Variants in BICC1 observed in about 807,000 individuals in gnomAD.
The protein encoded by BICC1 is BicC family RNA binding protein 1.
Under a neutral mutation model 111.0 loss-of-function variants are expected in BICC1, and 43 were observed. The observed-to-expected ratio is 0.39, with a 90% CI of 0.30 to 0.50. The LOEUF (loss-of-function observed/expected upper bound fraction) is 0.50, where lower values mean the gene tolerates loss of function less well. Ranked by LOEUF, BICC1 falls within the 20% of genes least tolerant of loss-of-function variation. The pLI is 0.88. For missense variants in BICC1, 1,091 were observed against 1,203.2 expected (o/e 0.91, Z 1.38); for synonymous variants, 467 against 434.4 (o/e 1.07, Z -0.93).
chr10:58,749,772 C>T (rs1487297593), intron 3 of BICC1, among the ~76,000 whole-genome samples: 4 of 152,156 alleles, frequency 2.6e-5, no homozygotes, highest in African/African-American at 4.8e-5. Flanking sequence ...AGGAGCCAGG[C>T]ACCCAGTGCT....
At chr10:58,671,229 A>G (rs1025985097) in intron 2 of BICC1, among the ~76,000 whole-genome samples, 5 of 152,200 alleles carry the variant, frequency 3.3e-5, no homozygotes, top group African/African-American at 7.2e-5. Flanking sequence ...GCAAAACAAA[A>G]TAACCATTGT....
chr10:58,637,287 C>G (rs186670819), intron 2 of BICC1, among the ~76,000 whole-genome samples: 80 of 151,876 alleles, frequency 5.3e-4, no homozygotes, highest in African/African-American at 1.9e-3. Flanking sequence ...TATGTTTTTT[C>G]CTTTGTTATG....
chr10:58,657,155 G>A (rs1184675764), intron 2 of BICC1, among the ~76,000 whole-genome samples: 1 of 152,122 alleles, frequency 6.6e-6, no homozygotes, highest in African/African-American at 2.4e-5. Flanking sequence ...CCCTACTCTT[G>A]CCTGGGCGAG....
Position 58,590,300 on chromosome 10 carries a change from C to T in BICC1, c.191-30555C>T, listed in dbSNP as rs75228977. Among the ~76,000 whole-genome samples, 155 of 152,258 alleles carry T rather than the reference C, an allele frequency of 1.0e-3. 2 individuals carry two copies. In the East Asian group the frequency reaches 0.01, roughly 10 times the overall value. Reference sequence around the variant, plus strand: ...TGCGCAGTCTGGCCTTGACTGGAAGCAGGAATCGTGACATCTCTGACCAGA... The same window carrying T: ...TGCGCAGTCTGGCCTTGACTGGAAGTAGGAATCGTGACATCTCTGACCAGA... On this transcript the variant is annotated intron_variant, in intron 1 of 20. Coordinates refer to ENST00000373886, the MANE Select transcript of BICC1 (RefSeq NM_001080512.3).
intron 20 of BICC1, among the ~76,000 whole-genome samples, chr10:58,826,538 T>A (rs1844401258): frequency 1.1e-5 from 1 of 87,814 alleles, no homozygotes; most frequent in Non-Finnish European, 2.5e-5. Context: ...GATCACAAGA[T>A]CAGGAGATCG....
At chr10:58,752,005 C>T (rs915856280) in intron 3 of BICC1, among the ~76,000 whole-genome samples, 1 of 152,166 alleles carries the variant, frequency 6.6e-6, no homozygotes, top group Non-Finnish European at 1.5e-5. Context: ...TACATTATAC[C>T]TCACTATGAT....
At chr10:58,560,664 C>T (rs1843579055) in intron 1 of BICC1, among the ~76,000 whole-genome samples, 1 of 151,506 alleles carries the variant, frequency 6.6e-6, no homozygotes, top group Admixed American at 6.6e-5. Flanking sequence ...TCAGGTCTTG[C>T]CACTGTTTTG....
intron 4 of BICC1, among the ~76,000 whole-genome samples, chr10:58,786,070 A>G (rs1843002947): frequency 6.6e-6 from 1 of 152,210 alleles, no homozygotes; most frequent in South Asian, 2.1e-4. Context: ...TTTAATGGGC[A>G]TAAATTTAAA....
intron 1 of BICC1, among the ~76,000 whole-genome samples, chr10:58,524,563 A>G (rs1278027904): frequency 6.6e-6 from 1 of 152,232 alleles, no homozygotes. Context: ...AATTAATTCA[A>G]GATTGATTAA....
At chr10:58,775,040 AACAGTTTTAAAGG>A (rs1842712566) in intron 3 of BICC1, among the ~76,000 whole-genome samples, 1 of 152,168 alleles carries the variant, frequency 6.6e-6, no homozygotes, top group Non-Finnish European at 1.5e-5. Context: ...TTTTAGAAAA[AACAGTTTTAAAGG>A]ACTAAGCTCA....
chr10:58,621,507 G>A (rs954764481), intron 2 of BICC1, among the ~76,000 whole-genome samples: 4 of 130,528 alleles, frequency 3.1e-5, no homozygotes, highest in Non-Finnish European at 7.2e-5. Context: ...TTAGCAACAA[G>A]GGTAAGACAA....
At chr10:58,661,321 G>A (rs967805263) in intron 2 of BICC1, among the ~76,000 whole-genome samples, 3 of 150,688 alleles carry the variant, frequency 2.0e-5, no homozygotes, top group South Asian at 2.1e-4. Flanking sequence ...ATTTCTCTCT[G>A]GAGTTTAGAA....
At chr10:58,666,151 A>G (rs907834355) in intron 2 of BICC1, among the ~76,000 whole-genome samples, 2 of 152,340 alleles carry the variant, frequency 1.3e-5, no homozygotes, top group Non-Finnish European at 1.5e-5. Flanking sequence ...CCTTGTGGTC[A>G]GAACAAATTT....
At chr10:58,823,497 G>T (rs762362646) in intron 20 of BICC1, 36 of 983,994 alleles carry the variant, frequency 3.7e-5, no homozygotes, top group Non-Finnish European at 4.3e-5. Flanking sequence ...AAACTGTATC[G>T]ATTAGGGTTG....
At chr10:58,549,073 T>A (rs1045854535) in intron 1 of BICC1, among the ~76,000 whole-genome samples, 2 of 152,084 alleles carry the variant, frequency 1.3e-5, no homozygotes, top group Non-Finnish European at 2.9e-5. Flanking sequence ...CTCAAACTCC[T>A]AGACTCAAGC....
intron 1 of BICC1, among the ~76,000 whole-genome samples, chr10:58,536,960 A>G (rs138531092): frequency 1.3e-4 from 20 of 151,976 alleles, no homozygotes; most frequent in African/African-American, 4.8e-4. Flanking sequence ...GCGGAAATGG[A>G]TAAATTCCCG....
In BICC1 at chr10:58,715,948, A is replaced by C. The variant is rs1351805146; in HGVS notation, c.307+13805A>C. The C allele has an allele frequency of 8.7e-6, 12 of 1,373,214 alleles. No homozygotes were observed. The East Asian group carries it at 2.3e-4, about 26-fold the overall frequency. 85.1% of individuals were successfully genotyped at this position (1,373,214 alleles called of 1,614,324 possible). ...GGATAAGAAACAAGGAAAATGAAGA[A>C]AGAAAAAGAAGAACCGTTCACATAA... On this transcript the variant is annotated intron_variant, in intron 3 of 20. Transcript: ENST00000373886.
At position 58,798,520 on chromosome 10, in the gene BICC1, A is replaced by G. The variant is rs1843432393; in HGVS notation, c.1488A>G (p.Thr496=). 5 of 1,611,684 alleles carry G rather than the reference A, an allele frequency of 3.1e-6. No homozygotes were observed. In the East Asian group the frequency reaches 9.0e-5, roughly 29 times the overall value. Residue 496 remains threonine (T), a synonymous_variant, in exon 11 of 21, where the codon ACA becomes ACG. Coordinates refer to ENST00000373886, the MANE Select transcript of BICC1 (RefSeq NM_001080512.3). ...CAAGTTCTGGTACACCCAGCCCCACATTATGGGCACCCCCACTTGCTAATA... is the reference window on the plus strand; with the variant it reads ...CAAGTTCTGGTACACCCAGCCCCACGTTATGGGCACCCCCACTTGCTAATA... ...QSPSSGTPSP[T]LWAPPLANTS...
chr10:58,596,368 A>G (rs1844812593), intron 1 of BICC1, among the ~76,000 whole-genome samples: 1 of 152,202 alleles, frequency 6.6e-6, no homozygotes, highest in Admixed American at 6.5e-5. Context: ...GCACCCCTTC[A>G]TGCTAAAAAC....
Sources: gnomAD v4.1 joint callset for allele counts (sites outside exome capture counted in the v4.1 genomes callset) on GRCh38, gnomAD v4.1.1 for gene constraint, MANE v1.5 for transcripts, NCBI Gene and HGNC (gene_info 2026-07-23, HGNC 2026-07-21) for gene names.